Variants in FBXL7 observed in about 807,000 individuals in gnomAD.
FBXL7 encodes the protein F-box/LRR-repeat protein 7.
A neutral mutation model predicts 38.3 loss-of-function variants in FBXL7; 12 were observed. The observed-to-expected ratio is 0.31, with a 90% CI of 0.20 to 0.51. The LOEUF (loss-of-function observed/expected upper bound fraction) is 0.51, where lower values mean the gene tolerates loss of function less well. Among genes scored for constraint, FBXL7 ranks in the 20% least tolerant of loss-of-function variants. FBXL7 has a pLI of 0.98. For synonymous variants in FBXL7, 297 were observed against 300.9 expected (o/e 0.99, Z 0.13); for missense variants, 567 against 676.4 (o/e 0.84, Z 1.79).
chr5:15,840,321 G>A (rs1738707909), intron 2 of FBXL7, among the ~76,000 whole-genome samples: 1 of 152,094 alleles, frequency 6.6e-6, no homozygotes, highest in Non-Finnish European at 1.5e-5. Context: ...CTCAAACTCA[G>A]TAGTAAGTTA....
At chr5:15,898,004 A>G (rs1741145891) in intron 2 of FBXL7, among the ~76,000 whole-genome samples, 1 of 152,230 alleles carries the variant, frequency 6.6e-6, no homozygotes, top group African/African-American at 2.4e-5. Flanking sequence ...CAAATGCGAT[A>G]GACTTAGTGA....
chr5:15,664,900 T>C (rs1482315864), intron 2 of FBXL7, among the ~76,000 whole-genome samples: 1 of 151,586 alleles, frequency 6.6e-6, no homozygotes, highest in Admixed American at 6.6e-5. Context: ...TCTAATAAAA[T>C]CTTTATCTTG....
At chr5:15,592,366 T>G (rs1166542792) in intron 1 of FBXL7, among the ~76,000 whole-genome samples, 1 of 152,158 alleles carries the variant, frequency 6.6e-6, no homozygotes, top group Non-Finnish European at 1.5e-5. Context: ...TGCCCAGGGA[T>G]CATGGGCAAT....
intron 2 of FBXL7, among the ~76,000 whole-genome samples, chr5:15,769,743 A>AT (rs139829948): frequency 9.9e-5 from 15 of 151,702 alleles, no homozygotes. Context: ...CACGAAAAAA[A>AT]AAAACACTGG....
chr5:15,509,929 A>C (rs570478794), intron 1 of FBXL7, among the ~76,000 whole-genome samples: 1 of 152,346 alleles, frequency 6.6e-6, no homozygotes, highest in South Asian at 2.1e-4. Context: ...GGACAGCTTT[A>C]AAACTTTTGA....
chr5:15,882,868 A>C (rs1385932863), intron 2 of FBXL7, among the ~76,000 whole-genome samples: 1 of 152,016 alleles, frequency 6.6e-6, no homozygotes, highest in African/African-American at 2.4e-5. Flanking sequence ...TACAGCTCGA[A>C]TGTCAGAGCT....
chr5:15,614,776 T>G (rs1167984260), intron 1 of FBXL7, among the ~76,000 whole-genome samples: 1 of 152,156 alleles, frequency 6.6e-6, no homozygotes, highest in Non-Finnish European at 1.5e-5. Flanking sequence ...CAGTGCTCAC[T>G]TGGTTGTTGG....
intron 2 of FBXL7, among the ~76,000 whole-genome samples, chr5:15,785,032 G>T (rs767156884): frequency 5.9e-5 from 9 of 152,068 alleles, no homozygotes; most frequent in Non-Finnish European, 1.2e-4. Context: ...TCATGAATCA[G>T]GTCTATACTG....
intron 1 of FBXL7, among the ~76,000 whole-genome samples, chr5:15,590,989 A>G (rs995131021): frequency 3.9e-5 from 6 of 152,172 alleles, no homozygotes; most frequent in African/African-American, 1.4e-4. Context: ...TGTGTAAATA[A>G]CAAGTCTAGG....
intron 2 of FBXL7, among the ~76,000 whole-genome samples, chr5:15,671,170 A>T (rs1742459236): frequency 6.6e-6 from 1 of 152,156 alleles, no homozygotes; most frequent in African/African-American, 2.4e-5. Context: ...TTGTAGTGGG[A>T]AGAATGCAAA....
chr5:15,551,844 C>A (rs1482777104), intron 1 of FBXL7, among the ~76,000 whole-genome samples: 2 of 152,160 alleles, frequency 1.3e-5, no homozygotes, highest in African/African-American at 4.8e-5. Flanking sequence ...CTCGCAAGTC[C>A]AATTTACTCT....
chr5:15,548,096 A>G (rs1379602302), intron 1 of FBXL7, among the ~76,000 whole-genome samples: 1 of 152,208 alleles, frequency 6.6e-6, no homozygotes, highest in African/African-American at 2.4e-5. Context: ...TTCCTAAATC[A>G]ACAATAGACT....
chr5:15,618,154 C>T (rs1428439368), intron 2 of FBXL7, among the ~76,000 whole-genome samples: 2 of 152,056 alleles, frequency 1.3e-5, no homozygotes, highest in African/African-American at 2.4e-5. Context: ...GGTGCAGGCC[C>T]AGCCAATGTT....
intron 2 of FBXL7, among the ~76,000 whole-genome samples, chr5:15,648,330 G>C (rs991785338): frequency 6.6e-6 from 1 of 152,154 alleles, no homozygotes; most frequent in African/African-American, 2.4e-5. Flanking sequence ...CTTTGTCATT[G>C]AAGTCTGCAT....
chr5:15,515,157 A>C (rs1736900195), intron 1 of FBXL7, among the ~76,000 whole-genome samples: 1 of 152,218 alleles, frequency 6.6e-6, no homozygotes, highest in African/African-American at 2.4e-5. Context: ...CTGTTAGGCA[A>C]GTCATCATCT....
chr5:15,746,187 A>G (rs1332861124), intron 2 of FBXL7, among the ~76,000 whole-genome samples: 2 of 152,212 alleles, frequency 1.3e-5, no homozygotes, highest in African/African-American at 4.8e-5. Flanking sequence ...AAGGAAAATT[A>G]GAGAGGAGGA....
chr5:15,937,352 G>T lies in FBXL7; in HGVS notation c.*166G>T. 1 of 877,626 alleles carries T rather than the reference G, an allele frequency of 1.1e-6. No individual in the cohort carries two copies. The highest frequency in any genetic ancestry group is 1.7e-6 in the Non-Finnish European group (1 of 596,708). 54.4% of individuals were successfully genotyped at this position (877,626 alleles called of 1,614,324 possible). Reference sequence around the variant, plus strand: ...TTCCTCATTTCTCATGGGCAACAGAGGCCAAAGAAACGAAGCAAGACAAAC... The same window carrying T: ...TTCCTCATTTCTCATGGGCAACAGATGCCAAAGAAACGAAGCAAGACAAAC... On this transcript the variant is annotated 3_prime_UTR_variant, in exon 4 of 4. Transcript: ENST00000504595.
At chr5:15,888,422 T>C (rs921996767) in intron 2 of FBXL7, among the ~76,000 whole-genome samples, 36 of 152,072 alleles carry the variant, frequency 2.4e-4, no homozygotes, top group African/African-American at 8.7e-4. Flanking sequence ...AGAAATGGGA[T>C]TTCACCGTGT....
chr5:15,821,918 A>G (rs1234049192), intron 2 of FBXL7, among the ~76,000 whole-genome samples: 2 of 152,120 alleles, frequency 1.3e-5, no homozygotes, highest in South Asian at 2.1e-4. Context: ...AGAACTGCCA[A>G]GCTCCCAGTT....
Sources: gnomAD v4.1 joint callset for allele counts (sites outside exome capture counted in the v4.1 genomes callset) on GRCh38, gnomAD v4.1.1 for gene constraint, MANE v1.5 for transcripts, NCBI Gene and HGNC (gene_info 2026-07-23, HGNC 2026-07-21) for gene names.